CD82: variants seen among roughly 807,000 people sequenced by gnomAD.
The protein encoded by CD82 is CD82 antigen.
In CD82, 36 loss-of-function variants were observed where a neutral mutation model predicts 37.4. That is an observed-to-expected ratio of 0.96 (90% CI 0.74 to 1.27). The LOEUF is 1.27. CD82 is among the 50% of genes most tolerant of loss of function. The probability of loss-of-function intolerance (pLI) is 0.00; values close to 1 mark genes in which losing one functional copy is unlikely to be tolerated. For synonymous variants in CD82, 158 were observed against 137.4 expected, an observed-to-expected ratio of 1.15 and a Z score of -1.05; for missense variants, 340 against 347.0, an observed-to-expected ratio of 0.98 and a Z score of 0.16.
intron 8 of CD82, 106 bp downstream of exon 8, chr11:44,618,471 A>C: frequency 9.1e-7 from 1 of 1,101,746 alleles, no homozygotes; most frequent in East Asian, 2.4e-5. Flanking sequence ...CCCTTAATTC[A>C]TCTGTCATTT....
At chr11:44,596,049 G>A (rs149681519) in intron 3 of CD82, among the ~76,000 whole-genome samples, 20 of 152,266 alleles carry the variant, frequency 1.3e-4, no homozygotes, top group African/African-American at 4.1e-4. Flanking sequence ...AAGCCCTGGC[G>A]CTGCCTGCCT....
chr11:44,588,810 G>C (rs910464277), intron 2 of CD82, among the ~76,000 whole-genome samples: 2 of 152,126 alleles, frequency 1.3e-5, no homozygotes, highest in African/African-American at 4.8e-5. Flanking sequence ...TGGTGATTTT[G>C]GAGGTGAGTG....
intron 1 of CD82, among the ~76,000 whole-genome samples, chr11:44,581,039 C>T (rs550046981): frequency 1.7e-4 from 26 of 152,320 alleles, no homozygotes; most frequent in African/African-American, 5.5e-4. Context: ...TAGCCACCTA[C>T]TCCAGCTGGC....
At chr11:44,587,886 G>A (rs1409973584) in intron 2 of CD82, 1 of 284,574 alleles carries the variant, frequency 3.5e-6, no homozygotes, top group African/African-American at 2.2e-5. Context: ...ACTGCCTTCA[G>A]GTGGCCGAGA....
At position 44,619,204 on chromosome 11, in the gene CD82, G is replaced by C; in HGVS notation, c.*78G>C. On this transcript the variant is annotated 3_prime_UTR_variant, in exon 10 of 10. Transcript: ENST00000227155. ...GGGTCTCCCTGGCTCCCTCCTCCAG[G>C]CCTGCCTCCCACTTCACTGCGAAGA... 2 of 1,159,364 alleles carry C rather than the reference G, an allele frequency of 1.7e-6. No homozygotes were observed. The highest frequency in any genetic ancestry group is 2.6e-6 in the Non-Finnish European group (2 of 766,486). The allele number at this position is 1,159,364 out of a possible 1,614,324, so 71.8% of individuals were successfully genotyped here. A position where few individuals can be genotyped will look rare whatever the true frequency, so the allele number is the denominator to read the frequency against.
At chr11:44,603,696 G>A (rs1230257333) in intron 4 of CD82, among the ~76,000 whole-genome samples, 1 of 152,198 alleles carries the variant, frequency 6.6e-6, no homozygotes, top group African/African-American at 2.4e-5. Flanking sequence ...TGGTGAGTTA[G>A]AGATGACATG....
At position 44,615,283 on chromosome 11, in the gene CD82, G is replaced by A. The variant is rs2303865; in HGVS notation, c.348G>A (p.Glu116=). 260,679 of 1,609,816 alleles carry A rather than the reference G, an allele frequency of 0.16. 28,344 individuals carry two copies. Among genetic ancestry groups the A allele is most frequent in the East Asian group, 0.48 (21,410 of 44,824 alleles). The part of the protein sequence containing the change: ...FYFNMGKLKQ[E]MGGIVTELIR... ...CCTCCCCCCTGCAGCTGAAGCAGGA[G>A]ATGGGCGGCATCGTGACTGAGCTCA... Residue 116 remains glutamate, a synonymous_variant, in exon 7 of 10, where the codon GAG becomes GAA. Coordinates refer to ENST00000227155, the MANE Select transcript of CD82 (RefSeq NM_002231.4).
At chr11:44,609,977 C>T (rs1016587146) in intron 6 of CD82, among the ~76,000 whole-genome samples, 6 of 152,172 alleles carry the variant, frequency 3.9e-5, no homozygotes, top group African/African-American at 1.2e-4. Context: ...CCCTCATTTC[C>T]TATCAGGGTA....
Position 44,615,187 on chromosome 11 carries a change from G to A in CD82, c.337-85G>A, listed in dbSNP as rs1037791495. On this transcript the variant is annotated intron_variant, in intron 6 of 9. Coordinates refer to ENST00000227155, the MANE Select transcript of CD82 (RefSeq NM_002231.4). ...TGTCCCAGGGTTGCTGAGGGGAACG[G>A]GGGGAGGCAGTTTAAGTAGGGGTGA... The A allele has an allele frequency of 8.2e-6, 7 of 857,856 alleles. No individual in the cohort carries two copies. The African/African-American group carries it at 1.1e-4, about 14-fold the overall frequency. 53.1% of individuals were successfully genotyped at this position (857,856 alleles called of 1,614,324 possible).
At chr11:44,611,114 T>C (rs960710813) in intron 6 of CD82, among the ~76,000 whole-genome samples, 5 of 152,192 alleles carry the variant, frequency 3.3e-5, no homozygotes, top group African/African-American at 1.2e-4. Context: ...GGATTACACG[T>C]GTGAGCCACC....
At chr11:44,603,625 G>C (rs1361731614) in intron 4 of CD82, among the ~76,000 whole-genome samples, 2 of 152,222 alleles carry the variant, frequency 1.3e-5, no homozygotes, top group Non-Finnish European at 2.9e-5. Flanking sequence ...GCCTTCTGGA[G>C]ACGCCAGCAC....
chr11:44,569,167 G>C (rs1852780125), intron 1 of CD82, among the ~76,000 whole-genome samples: 1 of 152,238 alleles, frequency 6.6e-6, no homozygotes, highest in Non-Finnish European at 1.5e-5. Context: ...GCCGGGGTCT[G>C]AGGAGCTGGG....
At chr11:44,599,668 G>A (rs1407244471) in intron 3 of CD82, among the ~76,000 whole-genome samples, 1 of 152,236 alleles carries the variant, frequency 6.6e-6, no homozygotes, top group Non-Finnish European at 1.5e-5. Flanking sequence ...GCAGAATGGG[G>A]GCACCCGAGT....
At chr11:44,585,941 G>C (rs1853048025) in intron 1 of CD82, among the ~76,000 whole-genome samples, 1 of 152,208 alleles carries the variant, frequency 6.6e-6, no homozygotes, top group African/African-American at 2.4e-5. Flanking sequence ...AGGCAGTCCA[G>C]GTTGAAAGAT....
intron 1 of CD82, among the ~76,000 whole-genome samples, chr11:44,577,904 C>T (rs1007541998): frequency 4.6e-5 from 7 of 152,108 alleles, no homozygotes; most frequent in African/African-American, 7.2e-5. Context: ...GTGTCCTCGG[C>T]GGATAATGGG....
intron 4 of CD82, among the ~76,000 whole-genome samples, chr11:44,600,676 C>G (rs12420125): frequency 0.23 from 34,781 of 152,164 alleles, 4,302 homozygotes; most frequent in East Asian, 0.32. Flanking sequence ...GCAGCACCTA[C>G]GTGGGTCAGG....
chr11:44,572,248 C>A (rs1320098943), intron 1 of CD82, among the ~76,000 whole-genome samples: 1 of 152,172 alleles, frequency 6.6e-6, no homozygotes, highest in Admixed American at 6.5e-5. Flanking sequence ...CTCTATCAGG[C>A]CAAAATACAG....
At chr11:44,565,426 A>C (rs1370763056), upstream of CD82, among the ~76,000 whole-genome samples, 1 of 149,912 alleles carries the variant, frequency 6.7e-6, no homozygotes, top group Non-Finnish European at 1.5e-5. Context: ...GCCGGGATAG[A>C]GGAGAGACTC....
At chr11:44,616,047 T>C (rs1281154175) in intron 7 of CD82, among the ~76,000 whole-genome samples, 2 of 152,150 alleles carry the variant, frequency 1.3e-5, no homozygotes, top group South Asian at 2.1e-4. Flanking sequence ...GGATGCTGCA[T>C]GTGCCCTTGG....
Sources: gnomAD v4.1 joint callset for allele counts (sites outside exome capture counted in the v4.1 genomes callset) on GRCh38, gnomAD v4.1.1 for gene constraint, MANE v1.5 for transcripts, NCBI Gene and HGNC (gene_info 2026-07-23, HGNC 2026-07-21) for gene names.